Variants in TKFC observed in about 807,000 individuals in gnomAD.
TKFC encodes triokinase and FMN cyclase.
TKFC carries 46 observed loss-of-function variants against 61.0 expected under a neutral mutation model. The observed-to-expected ratio is 0.75, with a 90% CI of 0.60 to 0.96. The LOEUF (loss-of-function observed/expected upper bound fraction) is 0.96, where lower values mean the gene tolerates loss of function less well. Ranked by LOEUF, TKFC falls within the 50% of genes least tolerant of loss-of-function variation. The pLI is 0.00. For synonymous variants in TKFC, 314 were observed against 330.1 expected (o/e 0.95, Z 0.53); for missense variants, 715 against 777.5 (o/e 0.92, Z 0.96).
At chr11:61,349,700 A>T, downstream of TKFC, 1 of 701,158 alleles carries the variant, frequency 1.4e-6, no homozygotes. Flanking sequence ...CAGCAATACG[A>T]AACAGAACAG....
intron 2 of TKFC, among the ~76,000 whole-genome samples, chr11:61,337,004 C>T (rs1177008393): frequency 3.9e-5 from 6 of 152,200 alleles, no homozygotes; most frequent in Admixed American, 1.3e-4. Context: ...CTTATCCTTC[C>T]CAGAGACCTC....
At chr11:61,334,792 T>G in intron 2 of TKFC, 61 bp downstream of exon 2, 2 of 1,612,820 alleles carry the variant, frequency 1.2e-6, no homozygotes, top group Non-Finnish European at 1.7e-6. Flanking sequence ...ATCCCAGCCT[T>G]GGGCAAGCTA....
chr11:61,346,323 G>A lies in TKFC; in HGVS notation c.1576-28G>A. On this transcript the variant is annotated intron_variant, in intron 17 of 17. Coordinates refer to ENST00000394900, the MANE Select transcript of TKFC (RefSeq NM_015533.4). This position sits in a 1 kb window ranked among gnomAD's most constrained non-coding sequence, Gnocchi z 4.1. Reference sequence around the variant, plus strand: ...GGAGGCGGCCTGGTGATCTGCCCTTGAACCTGCTCCCACACCCCATCCCCC... The same window carrying A: ...GGAGGCGGCCTGGTGATCTGCCCTTAAACCTGCTCCCACACCCCATCCCCC... 1 of 1,611,158 alleles carries A rather than the reference G, an allele frequency of 6.2e-7. No individual in the cohort carries two copies. Among genetic ancestry groups the A allele is most frequent in the Non-Finnish European group, 8.5e-7 (1 of 1,179,980 alleles).
chr11:61,347,902 A>G lies in TKFC; in HGVS notation c.*1399A>G, dbSNP rs1315239721. The stretch of plus-strand genomic sequence containing the variant: ...TCCAAGTGCTCACTCACTGAGAGTT[A>G]CGGTTATCACAGGGGTTGGGCCCCC... On this transcript the variant is annotated 3_prime_UTR_variant, in exon 18 of 18. Coordinates refer to ENST00000394900, the MANE Select transcript of TKFC (RefSeq NM_015533.4). The G allele has an allele frequency of 1.0e-6, 1 of 985,186 alleles. No individual in the cohort carries two copies. The highest frequency in any genetic ancestry group is 1.2e-6 in the Non-Finnish European group (1 of 829,892). The allele number at this position is 985,186 out of a possible 1,614,324, so 61.0% of individuals were successfully genotyped here.
Position 61,333,265 on chromosome 11 carries a change from C to T in TKFC, c.-174C>T. ...AGGACCCGGATGAGAGCGCACGCTT[C>T]GGGGTCTCCGGGAAGTCGCGGCGCC... On this transcript the variant is annotated 5_prime_UTR_variant, in exon 1 of 18. Coordinates refer to ENST00000394900, the MANE Select transcript of TKFC (RefSeq NM_015533.4). 2 of 282,748 alleles carry T rather than the reference C, an allele frequency of 7.1e-6. No individual in the cohort carries two copies. Among genetic ancestry groups the T allele is most frequent in the Non-Finnish European group, 1.3e-5 (2 of 152,176 alleles). 17.5% of individuals were successfully genotyped at this position (282,748 alleles called of 1,614,324 possible). A position where few individuals can be genotyped will look rare whatever the true frequency, so the allele number is the denominator to read the frequency against.
In TKFC at chr11:61,346,956, C is replaced by T. The variant is rs1160398342; in HGVS notation, c.*453C>T. On this transcript the variant is annotated 3_prime_UTR_variant, in exon 18 of 18. Coordinates refer to ENST00000394900, the MANE Select transcript of TKFC (RefSeq NM_015533.4). The surrounding 1 kb of genome is among the most constrained non-coding windows in gnomAD (Gnocchi z 4.1). Reference sequence around the variant, plus strand: ...CTCCTCTGAGGGACCTTTTCCCAAGCATGTAAACAAGGGGGCCCACAGCCC... The same window carrying T: ...CTCCTCTGAGGGACCTTTTCCCAAGTATGTAAACAAGGGGGCCCACAGCCC... The T allele has an allele frequency of 3.0e-6, 3 of 987,258 alleles. No individual in the cohort carries two copies. The highest frequency in any genetic ancestry group is 2.4e-6 in the Non-Finnish European group (2 of 831,202). The allele number at this position is 987,258 out of a possible 1,614,324, so 61.2% of individuals were successfully genotyped here.
intron 10 of TKFC, 98 bp downstream of exon 10, chr11:61,342,942 C>G (rs1329586438): frequency 7.9e-7 from 1 of 1,272,338 alleles, no homozygotes; most frequent in Non-Finnish European, 1.1e-6. Context: ...GTCAGATAAG[C>G]CTGAGTTAAA....
chr11:61,341,895 A>G lies in TKFC; in HGVS notation c.638A>G (p.Glu213Gly). Residue 213 changes from glutamate to glycine, a missense_variant, in exon 7 of 18, where the codon GAG (glutamate) becomes GGG (glycine). Physicochemically the swap from Glu to Gly is moderately conservative, Grantham distance 98. Coordinates refer to ENST00000394900, the MANE Select transcript of TKFC (RefSeq NM_015533.4). ...SKPTFELSAD[E>G]VELGLGIHGE... ...CCCACCTTCGAGCTCTCAGCCGACG[A>G]GGTGGAGCTGGGCCTGGGTAAGCTT... 6.2e-7 allele frequency: 1 copy of G among 1,613,448 alleles called. No homozygotes were observed. Among genetic ancestry groups the G allele is most frequent in the Non-Finnish European group, 8.5e-7 (1 of 1,179,644 alleles).
chr11:61,333,951 C>G (rs1856495187), intron 1 of TKFC: 1 of 152,370 alleles, frequency 6.6e-6, no homozygotes, highest in Admixed American at 6.5e-5. Flanking sequence ...TGAGGCAGAG[C>G]TATGTTGATT....
rs1370226291 is a variant in TKFC, at chr11:61,341,919, T to C, written c.655+7T>C. The C allele has an allele frequency of 6.2e-7, 1 of 1,610,240 alleles. No individual in the cohort carries two copies. The highest frequency in any genetic ancestry group is 1.7e-5 in the Admixed American group (1 of 59,768). On this transcript the variant is annotated splice_region_variant and intron_variant, in intron 7 of 17. Coordinates refer to ENST00000394900, the MANE Select transcript of TKFC (RefSeq NM_015533.4). ...GAGGTGGAGCTGGGCCTGGGTAAGC[T>C]TGTGGCCATCCATCCCAGCCCTGCC...
Position 61,334,633 on chromosome 11 carries a change from C to A in TKFC, c.-96C>A. On this transcript the variant is annotated 5_prime_UTR_variant, in exon 2 of 18. Coordinates refer to ENST00000394900, the MANE Select transcript of TKFC (RefSeq NM_015533.4). ...CCACTCCTGCAGGTGCTGCTGCTGCCTCCACTGTACTCAGACCCAGGTAGC... is the reference window on the plus strand; with the variant it reads ...CCACTCCTGCAGGTGCTGCTGCTGCATCCACTGTACTCAGACCCAGGTAGC... The A allele has an allele frequency of 6.4e-7, 1 of 1,553,940 alleles. No homozygotes were observed. Among genetic ancestry groups the A allele is most frequent in the Non-Finnish European group, 8.9e-7 (1 of 1,129,676 alleles).
intron 13 of TKFC, among the ~76,000 whole-genome samples, chr11:61,344,997 G>T (rs1475750823): frequency 6.6e-6 from 1 of 152,122 alleles, no homozygotes; most frequent in Non-Finnish European, 1.5e-5. Flanking sequence ...TAGCACAAAG[G>T]GCTAAGGAGA....
chr11:61,350,050 T>A (rs1012214889), downstream of TKFC: 4 of 508,216 alleles, frequency 7.9e-6, no homozygotes, highest in Non-Finnish European at 1.4e-5. Flanking sequence ...ATGGAGGACC[T>A]GAGAGGCTGA....
intron 15 of TKFC, 40 bp downstream of exon 15, chr11:61,345,605 G>A: frequency 4.3e-6 from 7 of 1,611,926 alleles, no homozygotes; most frequent in Non-Finnish European, 5.9e-6. Context: ...GGGTGGGCTG[G>A]GGGAGGTGTT....
chr11:61,350,057 C>T, downstream of TKFC: 1 of 515,622 alleles, frequency 1.9e-6, no homozygotes, highest in South Asian at 2.2e-5. Context: ...ACCTGAGAGG[C>T]TGACGCCAAG....
chr11:61,346,712 C>T lies in TKFC; in HGVS notation c.*209C>T. ...GGAGTGGGTCCCCATGCCTCTCCAG[C>T]ATGCCCTTTCCCTTTGCAGGAGGGT... On this transcript the variant is annotated 3_prime_UTR_variant, in exon 18 of 18. Transcript: ENST00000394900. This position sits in a 1 kb window ranked among gnomAD's most constrained non-coding sequence, Gnocchi z 4.1. The T allele has an allele frequency of 7.4e-7, 1 of 1,355,568 alleles. No homozygotes were observed. The highest frequency in any genetic ancestry group is 3.2e-5 in the Admixed American group (1 of 30,772). 84.0% of individuals were successfully genotyped at this position (1,355,568 alleles called of 1,614,324 possible).
chr11:61,350,594 C>T, downstream of TKFC: 1 of 741,358 alleles, frequency 1.3e-6, no homozygotes, highest in Admixed American at 2.6e-5. Flanking sequence ...CTCCCTACAT[C>T]CCATCAAGAC....
downstream of TKFC, chr11:61,349,839 T>C (rs1857315346): frequency 3.4e-6 from 2 of 584,068 alleles, no homozygotes; most frequent in African/African-American, 3.7e-5. Flanking sequence ...TGAAGCCTGC[T>C]CTGTGGCGGG....
At chr11:61,336,845 C>T (rs558089509) in intron 2 of TKFC, among the ~76,000 whole-genome samples, 91 of 152,288 alleles carry the variant, frequency 6.0e-4, no homozygotes, top group African/African-American at 2.0e-3. Flanking sequence ...CTCTCCTCCC[C>T]ACCCCTTCCT....
Sources: gnomAD v4.1 joint callset for allele counts (sites outside exome capture counted in the v4.1 genomes callset) on GRCh38, gnomAD v4.1.1 for gene constraint, Gnocchi (gnomAD v3.1) non-coding constraint, MANE v1.5 for transcripts, NCBI Gene and HGNC (gene_info 2026-07-23, HGNC 2026-07-21) for gene names.